KCNH7: variants seen among roughly 807,000 people sequenced by gnomAD.
KCNH7 encodes the protein voltage-gated inwardly rectifying potassium channel KCNH7.
Under a neutral mutation model 120.8 loss-of-function variants are expected in KCNH7, and 49 were observed. The ratio of observed to expected loss-of-function variants is 0.41; its 90% CI spans 0.32 to 0.51. The LOEUF is 0.51. Ranked by LOEUF, KCNH7 falls within the 20% of genes least tolerant of loss-of-function variation. The pLI, the probability that KCNH7 is intolerant of heterozygous loss-of-function variation, is 0.38. For synonymous variants in KCNH7, 547 were observed against 516.1 expected, an observed-to-expected ratio of 1.06 and a Z score of -0.81; for missense variants, 1,097 against 1,446.6, an observed-to-expected ratio of 0.76 and a Z score of 3.92.
chr2:162,773,679 T>C (rs1273471637), intron 2 of KCNH7, among the ~76,000 whole-genome samples: 1 of 152,160 alleles, frequency 6.6e-6, no homozygotes, highest in East Asian at 1.9e-4. Flanking sequence ...AAACTCAACA[T>C]TTTTAAAACC....
chr2:162,526,423 T>G (rs879369598), intron 3 of KCNH7, among the ~76,000 whole-genome samples: 2 of 151,962 alleles, frequency 1.3e-5, no homozygotes, highest in Non-Finnish European at 2.9e-5. Context: ...CTAATAAGCC[T>G]GGGAGCGCTA....
In KCNH7 at chr2:162,537,060, T is replaced by C; in HGVS notation, c.328A>G (p.Thr110Ala). ...TGGTTTTTCACTGGAATTATGTGAG[T>C]GTTACAAATAAAAGTGGACCCTAAG... ...HKNGSTFICNTHIIPVKNQEG... is the reference protein window; with the variant it reads ...HKNGSTFICNAHIIPVKNQEG... Residue 110 changes from threonine to alanine, a missense_variant, in exon 3 of 16, where the codon ACT becomes GCT. Around this residue, in one of 8 missense-constraint regions of KCNH7, gnomAD observed 362 missense variants for 372.2 expected, o/e 0.97. Coordinates refer to ENST00000332142, the MANE Select transcript of KCNH7 (RefSeq NM_033272.4). 1 of 1,612,214 alleles carries C rather than the reference T, an allele frequency of 6.2e-7. No homozygotes were observed. The highest frequency in any genetic ancestry group is 8.5e-7 in the Non-Finnish European group (1 of 1,178,724).
chr2:162,547,573 G>C (rs1158628545), intron 2 of KCNH7, among the ~76,000 whole-genome samples: 1 of 152,104 alleles, frequency 6.6e-6, no homozygotes, highest in Non-Finnish European at 1.5e-5. Context: ...AGAACCCTAA[G>C]GAAGTACATC....
intron 6 of KCNH7, among the ~76,000 whole-genome samples, chr2:162,485,695 G>GT (rs765942188): frequency 1.3e-5 from 2 of 152,154 alleles, no homozygotes; most frequent in African/African-American, 2.4e-5. Flanking sequence ...AATTTTAGCA[G>GT]TAATTCAGGT....
chr2:162,656,229 C>T (rs181277970), intron 2 of KCNH7, among the ~76,000 whole-genome samples: 2 of 152,148 alleles, frequency 1.3e-5, no homozygotes, highest in African/African-American at 4.8e-5. Context: ...AACAGAAGCA[C>T]AAACAATAAA....
At chr2:162,407,436 C>T (rs188723169) in intron 9 of KCNH7, among the ~76,000 whole-genome samples, 1 of 151,954 alleles carries the variant, frequency 6.6e-6, no homozygotes, top group Non-Finnish European at 1.5e-5. Flanking sequence ...TATCCTGATC[C>T]AAATTAAGTC....
rs546574178 is a variant in KCNH7, at chr2:162,539,546, T to C, written c.308-2466A>G. Among the ~76,000 whole-genome samples, 32 of 152,234 alleles carry C rather than the reference T, an allele frequency of 2.1e-4. No homozygotes were observed. The South Asian group carries it at 6.6e-3, about 32-fold the overall frequency. ...TTTCTAATACAAGTGTTTGAAAATT[T>C]ACTGTCTAAATCAGTAAATTTTCTG... On this transcript the variant is annotated intron_variant, in intron 2 of 15. Coordinates refer to ENST00000332142, the MANE Select transcript of KCNH7 (RefSeq NM_033272.4).
intron 6 of KCNH7, among the ~76,000 whole-genome samples, chr2:162,462,930 A>C (rs928191824): frequency 6.6e-6 from 1 of 152,068 alleles, no homozygotes; most frequent in African/African-American, 2.4e-5. Flanking sequence ...AGGAATACTA[A>C]TTTCTCATTC....
intron 5 of KCNH7, among the ~76,000 whole-genome samples, chr2:162,509,997 G>A (rs1017428273): frequency 6.6e-6 from 1 of 151,526 alleles, no homozygotes; most frequent in African/African-American, 2.4e-5. Context: ...CTGATGACTT[G>A]TAAAGCAAAA....
At chr2:162,702,322 C>T (rs974465840) in intron 2 of KCNH7, among the ~76,000 whole-genome samples, 1 of 152,218 alleles carries the variant, frequency 6.6e-6, no homozygotes, top group African/African-American at 2.4e-5. Context: ...GAGGCTATTA[C>T]ACCATATTAT....
chr2:162,514,690 C>T (rs1691220962), intron 4 of KCNH7, among the ~76,000 whole-genome samples: 1 of 151,320 alleles, frequency 6.6e-6, no homozygotes, highest in South Asian at 2.1e-4. Context: ...TTTATTTTTC[C>T]AGTAGTACAT....
chr2:162,574,951 A>T (rs1232839405), intron 2 of KCNH7, among the ~76,000 whole-genome samples: 2 of 152,132 alleles, frequency 1.3e-5, no homozygotes, highest in African/African-American at 4.8e-5. Flanking sequence ...TGAGAATACT[A>T]AATATTGTAT....
At chr2:162,639,107 C>T (rs1281102676) in intron 2 of KCNH7, among the ~76,000 whole-genome samples, 3 of 152,116 alleles carry the variant, frequency 2.0e-5, no homozygotes, top group Non-Finnish European at 4.4e-5. Flanking sequence ...CAGACATTAA[C>T]AAACATCCCT....
rs1009673740 is a variant in KCNH7 at position 162,466,341 on chromosome 2, G to A, written c.1129-19898C>T. On this transcript the variant is annotated intron_variant, in intron 6 of 15. Transcript: ENST00000332142. ...GTTTAATTCACTCACAGTTCTATAC[G>A]GCTAGGGAAGCCTCAGAAAACTTAC... 8.5e-5 allele frequency among the ~76,000 whole-genome samples: 13 copies of A among 152,118 alleles called. 1 individual carries two copies. Among genetic ancestry groups the A allele is most frequent in the South Asian group, 2.1e-4 (1 of 4,822 alleles).
chr2:162,374,927 GTTTA>G (rs1294510411), intron 14 of KCNH7, among the ~76,000 whole-genome samples: 6 of 152,036 alleles, frequency 3.9e-5, no homozygotes, highest in Non-Finnish European at 8.8e-5. Flanking sequence ...TTATCAACTG[GTTTA>G]TTTATCTACT....
intron 13 of KCNH7, among the ~76,000 whole-genome samples, chr2:162,382,786 A>C (rs1351786924): frequency 1.3e-5 from 2 of 152,032 alleles, no homozygotes; most frequent in African/African-American, 4.8e-5. Context: ...AAAATCATTA[A>C]GGAATGAAAT....
chr2:162,581,872 G>C (rs537686075), intron 2 of KCNH7, among the ~76,000 whole-genome samples: 96 of 152,030 alleles, frequency 6.3e-4, no homozygotes, highest in Non-Finnish European at 1.0e-3. Context: ...GCTACAAAGG[G>C]ACCCACCCAC....
At chr2:162,817,712 A>G (rs930418809) in intron 2 of KCNH7, among the ~76,000 whole-genome samples, 1 of 152,082 alleles carries the variant, frequency 6.6e-6, no homozygotes, top group African/African-American at 2.4e-5. Flanking sequence ...CCACATCTTC[A>G]CCAACATTTG....
At chr2:162,768,767 T>C (rs1682923885) in intron 2 of KCNH7, among the ~76,000 whole-genome samples, 1 of 146,538 alleles carries the variant, frequency 6.8e-6, no homozygotes, top group Non-Finnish European at 1.5e-5. Context: ...GTGTTTACTC[T>C]GGTTCCCCAT....
Sources: gnomAD v4.1 joint callset for allele counts (sites outside exome capture counted in the v4.1 genomes callset) on GRCh38, gnomAD v4.1.1 for gene constraint, gnomAD v4.1.1 regional missense constraint, MANE v1.5 for transcripts, NCBI Gene and HGNC (gene_info 2026-07-23, HGNC 2026-07-21) for gene names.